Variants in EFL1 observed in about 807,000 individuals in gnomAD.
EFL1 encodes the protein elongation factor-like GTPase 1.
Under a neutral mutation model 126.7 loss-of-function variants are expected in EFL1, and 76 were observed. The ratio of observed to expected loss-of-function variants is 0.60; its 90% CI spans 0.50 to 0.73. The LOEUF (loss-of-function observed/expected upper bound fraction) is 0.73, where lower values mean the gene tolerates loss of function less well. Among genes scored for constraint, EFL1 ranks in the 30% least tolerant of loss-of-function variants. The probability of loss-of-function intolerance (pLI) is 0.00; values close to 1 mark genes in which losing one functional copy is unlikely to be tolerated. For synonymous variants in EFL1, 410 were observed against 448.4 expected (o/e 0.91, Z 1.08); for missense variants, 1,128 against 1,343.2 (o/e 0.84, Z 2.50).
At chr15:82,165,289 G>C (rs1291189858) in intron 15 of EFL1, among the ~76,000 whole-genome samples, 1 of 152,136 alleles carries the variant, frequency 6.6e-6, no homozygotes, top group Non-Finnish European at 1.5e-5. Flanking sequence ...GAAAGAGAGA[G>C]AGCGAGAGAA....
At position 82,219,777 on chromosome 15, in the gene EFL1, G is replaced by A. The variant is rs116871238; in HGVS notation, c.1486C>T (p.Leu496Phe). ...QVESMTPKPV[L>F]QEENNQESFI... is the part of the protein sequence containing the mutation. ...GACTCTTGGTTGTTTTCTTCCTGGA[G>A]CACAGGTTTAGGGGTCATACTTTCC... Residue 496 changes from leucine to phenylalanine, a missense_variant, in exon 14 of 20, where the codon CTC becomes TTC. Leu to Phe is a conservative substitution (Grantham distance 22, BLOSUM62 0). Around this residue, in one of 6 missense-constraint regions of EFL1, gnomAD observed 120 missense variants for 142.1 expected, o/e 0.84. Transcript: ENST00000268206. 0.017 allele frequency: 27,752 copies of A among 1,614,004 alleles called. 281 individuals are homozygous for A. The highest frequency in any genetic ancestry group is 0.018 in the Non-Finnish European group (21,140 of 1,179,962).
chr15:82,218,980 G>A (rs1213815564), intron 14 of EFL1, among the ~76,000 whole-genome samples: 5 of 152,188 alleles, frequency 3.3e-5, no homozygotes, highest in Admixed American at 2.0e-4. Context: ...GATGCTCCAC[G>A]GTGCCAGCTG....
chr15:82,150,709 T>G (rs192255692), intron 18 of EFL1, among the ~76,000 whole-genome samples: 1 of 152,288 alleles, frequency 6.6e-6, no homozygotes, highest in African/African-American at 2.4e-5. Flanking sequence ...TGGTTAGCAG[T>G]GAATAAAGCC....
chr15:82,180,802 C>T (rs2074244476), intron 15 of EFL1, among the ~76,000 whole-genome samples: 1 of 151,330 alleles, frequency 6.6e-6, no homozygotes, highest in Non-Finnish European at 1.5e-5. Flanking sequence ...TCATGGCTTA[C>T]TGCAGCCCCT....
intron 3 of EFL1, among the ~76,000 whole-genome samples, chr15:82,255,407 C>T (rs1276711424): frequency 6.6e-6 from 1 of 152,038 alleles, no homozygotes; most frequent in Non-Finnish European, 1.5e-5. Flanking sequence ...GAATATTAGT[C>T]CTTTGTCAAT....
intron 3 of EFL1, among the ~76,000 whole-genome samples, chr15:82,255,080 CTAACT>C (rs922564949): frequency 2.6e-5 from 4 of 152,192 alleles, no homozygotes; most frequent in African/African-American, 4.8e-5. Flanking sequence ...CATCCTCAAC[CTAACT>C]TGATATTTCC....
At chr15:82,165,983 G>A (rs558794528) in intron 15 of EFL1, among the ~76,000 whole-genome samples, 1 of 152,250 alleles carries the variant, frequency 6.6e-6, no homozygotes, top group South Asian at 2.1e-4. Context: ...CCTGGCTATA[G>A]CTTCTTGTTT....
At chr15:82,143,828 A>G (rs954751732) in intron 18 of EFL1, among the ~76,000 whole-genome samples, 2 of 152,198 alleles carry the variant, frequency 1.3e-5, no homozygotes, top group African/African-American at 4.8e-5. Flanking sequence ...GCTGGAAACA[A>G]ACACTGTGAC....
chr15:82,188,535 G>A (rs187134410), intron 15 of EFL1, among the ~76,000 whole-genome samples: 96 of 152,160 alleles, frequency 6.3e-4, no homozygotes, highest in African/African-American at 2.2e-3. Flanking sequence ...TGTTATAACC[G>A]TTGCTTCCTC....
At chr15:82,203,606 C>T (rs1778289563) in intron 15 of EFL1, among the ~76,000 whole-genome samples, 1 of 152,172 alleles carries the variant, frequency 6.6e-6, no homozygotes, top group Admixed American at 6.5e-5. Context: ...AACTCCCAAC[C>T]TCGTGATCCA....
In EFL1 at chr15:82,133,297, A is replaced by G. The variant is rs72749523; in HGVS notation, c.3175-2736T>C. On this transcript the variant is annotated intron_variant, in intron 19 of 19. Transcript: ENST00000268206. ...TCTGGCATTATGGTTCTTGCGGCTGAAAACACTCATAATCTATCAACTGAT... is the reference window on the plus strand; with the variant it reads ...TCTGGCATTATGGTTCTTGCGGCTGGAAACACTCATAATCTATCAACTGAT... Among the ~76,000 whole-genome samples the G allele has an allele frequency of 7.0e-3, 1,067 of 152,336 alleles. 9 individuals carry two copies. Among genetic ancestry groups the G allele is most frequent in the Non-Finnish European group, 8.4e-3 (569 of 68,028 alleles).
intron 3 of EFL1, among the ~76,000 whole-genome samples, chr15:82,254,331 T>C (rs768643269): frequency 6.6e-6 from 1 of 152,200 alleles, no homozygotes; most frequent in Admixed American, 6.5e-5. Flanking sequence ...CAGTCAGTCC[T>C]TCCTTCAGAA....
At chr15:82,254,984 T>C (rs1445954461) in intron 3 of EFL1, among the ~76,000 whole-genome samples, 1 of 152,168 alleles carries the variant, frequency 6.6e-6, no homozygotes, top group Non-Finnish European at 1.5e-5. Context: ...TTCCAGTTTT[T>C]TGTAACTATT....
At chr15:82,217,392 A>C (rs1483468452) in intron 14 of EFL1, among the ~76,000 whole-genome samples, 1 of 150,750 alleles carries the variant, frequency 6.6e-6, no homozygotes, top group African/African-American at 2.4e-5. Flanking sequence ...AAAAAAAAAA[A>C]AAACGAAAAC....
intron 4 of EFL1, among the ~76,000 whole-genome samples, chr15:82,249,123 A>G (rs566690475): frequency 1.3e-3 from 202 of 152,082 alleles, no homozygotes; most frequent in Non-Finnish European, 2.6e-3. Context: ...TGTATATTCT[A>G]TAACACACAC....
At chr15:82,234,947 G>C (rs555551072) in intron 7 of EFL1, among the ~76,000 whole-genome samples, 1 of 152,252 alleles carries the variant, frequency 6.6e-6, no homozygotes, top group African/African-American at 2.4e-5. Flanking sequence ...AACTGTTGCA[G>C]TTTAAAAAAT....
At position 82,252,573 on chromosome 15, in the gene EFL1, C is replaced by G. The variant is rs1033281618; in HGVS notation, c.244+118G>C. 5.1e-6 allele frequency: 4 copies of G among 779,988 alleles called. No homozygotes were observed. The Admixed American group carries it at 8.4e-5, about 16-fold the overall frequency. The allele number at this position is 779,988 out of a possible 1,614,324, so 48.3% of individuals were successfully genotyped here. On this transcript the variant is annotated intron_variant, in intron 4 of 19. Transcript: ENST00000268206. ...TCTGACAACAGATCATGTGGAGAGG[C>G]CAGAATAAAATACGTGGAATATAAG...
Position 82,157,819 on chromosome 15 carries a change from G to C in EFL1, c.1924C>G (p.Gln642Glu). 1 of 1,613,800 alleles carries C rather than the reference G, an allele frequency of 6.2e-7. No homozygotes were observed. The highest frequency in any genetic ancestry group is 8.5e-7 in the Non-Finnish European group (1 of 1,179,814). The change falls in exon 17 of 20, where the codon CAG becomes GAG. Residue 642 changes from glutamine to glutamate, a missense_variant. Physicochemically the swap from Gln to Glu is conservative, Grantham distance 29. Transcript: ENST00000268206. The stretch of plus-strand genomic sequence containing the variant: ...AAAATCTGGACACAGGGATCAGCCT[G>C]GTTTAACAGTTTCATTCCTTTTACG... ...QLVKGMKLLNQADPCVQILIQ... is the reference protein window; with the variant it reads ...QLVKGMKLLNEADPCVQILIQ...
At chr15:82,180,374 AAAAAAAAAACAAAC>A (rs2074239288) in intron 15 of EFL1, among the ~76,000 whole-genome samples, 3 of 60,820 alleles carry the variant, frequency 4.9e-5, no homozygotes, top group Admixed American at 1.3e-4. Context: ...AAAAAAAAAC[AAAAAAAAAACAAAC>A]AAAAAAAACC....
Sources: gnomAD v4.1 joint callset for allele counts (sites outside exome capture counted in the v4.1 genomes callset) on GRCh38, gnomAD v4.1.1 for gene constraint, gnomAD v4.1.1 regional missense constraint, MANE v1.5 for transcripts, NCBI Gene and HGNC (gene_info 2026-07-23, HGNC 2026-07-21) for gene names.